The following BMPR1A variants were observed in gnomAD, a reference collection of about 807,000 sequenced individuals.
The protein encoded by BMPR1A is bone morphogenetic protein receptor type 1A, also known as bone morphogenetic protein receptor type-1A.
In BMPR1A, 7 loss-of-function variants were observed where a neutral mutation model predicts 66.0. That is an observed-to-expected ratio of 0.11 (90% CI 0.06 to 0.20). The LOEUF is 0.20. Ranked by LOEUF, BMPR1A falls within the 10% of genes least tolerant of loss-of-function variation. The probability of loss-of-function intolerance (pLI) is 1.00; values close to 1 mark genes in which losing one functional copy is unlikely to be tolerated. For missense variants in BMPR1A, 408 were observed against 669.1 expected (o/e 0.61, Z 4.31); for synonymous variants, 200 against 229.7 (o/e 0.87, Z 1.17).
chr10:86,841,537 T>C (rs1842423766), intron 2 of BMPR1A, among the ~76,000 whole-genome samples: 1 of 152,186 alleles, frequency 6.6e-6, no homozygotes, highest in African/African-American at 2.4e-5. Context: ...TCTTGATGGA[T>C]GAATAGAAGA....
rs147038935 is a variant in BMPR1A, at chr10:86,900,480, T to C, written c.530+354T>C. Among the ~76,000 whole-genome samples the C allele has an allele frequency of 2.0e-5, 3 of 152,122 alleles. No homozygotes were observed. In the East Asian group the frequency reaches 5.8e-4, roughly 29 times the overall value. ...AGAAATTTGGAGCTCCAGAATTGTT[T>C]GCATGTAGCCATGATTTCAGAAGAC... On this transcript the variant is annotated intron_variant, in intron 7 of 12. Coordinates refer to ENST00000372037, the MANE Select transcript of BMPR1A (RefSeq NM_004329.3).
chr10:86,781,212 G>GT (rs1462795788), intron 1 of BMPR1A, among the ~76,000 whole-genome samples: 1 of 152,086 alleles, frequency 6.6e-6, no homozygotes, highest in African/African-American at 2.4e-5. Flanking sequence ...TTTGTATAGG[G>GT]TGAGTGTTGG....
intron 1 of BMPR1A, among the ~76,000 whole-genome samples, chr10:86,791,426 C>A (rs1390886107): frequency 2.0e-5 from 3 of 152,000 alleles, no homozygotes; most frequent in African/African-American, 7.2e-5. Flanking sequence ...GTTGGCCAGG[C>A]TGGTCTCAAT....
At chr10:86,830,686 G>C (rs1842256799) in intron 1 of BMPR1A, among the ~76,000 whole-genome samples, 2 of 151,770 alleles carry the variant, frequency 1.3e-5, no homozygotes, top group Non-Finnish European at 2.9e-5. Flanking sequence ...TTTTTCAATT[G>C]TTGAGCTTTG....
At chr10:86,865,111 C>A (rs1238573228) in intron 2 of BMPR1A, among the ~76,000 whole-genome samples, 1 of 152,192 alleles carries the variant, frequency 6.6e-6, no homozygotes, top group Non-Finnish European at 1.5e-5. Flanking sequence ...CATATACGCC[C>A]AGATGGCCTG....
chr10:86,859,399 G>C (rs1842684493), intron 2 of BMPR1A, among the ~76,000 whole-genome samples: 1 of 151,900 alleles, frequency 6.6e-6, no homozygotes, highest in Admixed American at 6.6e-5. Flanking sequence ...AAACTCCTGG[G>C]CTCAAGTGAT....
At position 86,923,843 on chromosome 10, in the gene BMPR1A, A is replaced by C; in HGVS notation, c.*124A>C. The C allele has an allele frequency of 1.6e-6, 2 of 1,288,002 alleles. No individual in the cohort carries two copies. The highest frequency in any genetic ancestry group is 2.2e-6 in the Non-Finnish European group (2 of 896,752). 79.8% of individuals were successfully genotyped at this position (1,288,002 alleles called of 1,614,324 possible). ...CAGACTCTTTCTTCACTACGTGTTC[A>C]CAGGCTGCTAATATTAAACCTTTCA... is the stretch of plus-strand genomic sequence containing the variant. On this transcript the variant is annotated 3_prime_UTR_variant, in exon 13 of 13. Coordinates refer to ENST00000372037, the MANE Select transcript of BMPR1A (RefSeq NM_004329.3).
chr10:86,884,157 C>CA (rs1473966044), intron 3 of BMPR1A, among the ~76,000 whole-genome samples: 1 of 151,880 alleles, frequency 6.6e-6, no homozygotes, highest in African/African-American at 2.4e-5. Flanking sequence ...CCTGAACCAC[C>CA]ATTCCCTGCC....
At chr10:86,797,896 A>T (rs1417685270) in intron 1 of BMPR1A, among the ~76,000 whole-genome samples, 1 of 152,070 alleles carries the variant, frequency 6.6e-6, no homozygotes, top group East Asian at 1.9e-4. Flanking sequence ...TGTCATTTAA[A>T]TTATTAAGTG....
At chr10:86,760,873 A>G (rs537223755) in intron 1 of BMPR1A, among the ~76,000 whole-genome samples, 1 of 152,350 alleles carries the variant, frequency 6.6e-6, no homozygotes, top group South Asian at 2.1e-4. Context: ...TTAACACAAG[A>G]TTAAATGTTG....
At chr10:86,849,928 A>G (rs1216550028) in intron 2 of BMPR1A, among the ~76,000 whole-genome samples, 2 of 152,220 alleles carry the variant, frequency 1.3e-5, no homozygotes, top group African/African-American at 2.4e-5. Context: ...TATGAACAAT[A>G]AATATATTTT....
chr10:86,779,918 T>A (rs978710109), intron 1 of BMPR1A, among the ~76,000 whole-genome samples: 3 of 152,140 alleles, frequency 2.0e-5, no homozygotes, highest in African/African-American at 7.2e-5. Context: ...TGTTTTTGTT[T>A]TGTGAAAGAG....
At chr10:86,866,788 A>G (rs1009940958) in intron 2 of BMPR1A, among the ~76,000 whole-genome samples, 51 of 151,844 alleles carry the variant, frequency 3.4e-4, no homozygotes, top group African/African-American at 1.2e-3. Context: ...TGCTCATGGT[A>G]TACCCGACAA....
intron 1 of BMPR1A, among the ~76,000 whole-genome samples, chr10:86,798,904 G>C (rs1194707438): frequency 2.0e-5 from 3 of 152,216 alleles, no homozygotes; most frequent in Non-Finnish European, 4.4e-5. Context: ...CCTTGTGTCA[G>C]TAGTCAGTGG....
At chr10:86,816,147 AC>A (rs1842033355) in intron 1 of BMPR1A, among the ~76,000 whole-genome samples, 1 of 152,228 alleles carries the variant, frequency 6.6e-6, no homozygotes, top group African/African-American at 2.4e-5. Flanking sequence ...CATGGCAGCC[AC>A]TAGGCTACAT....
intron 2 of BMPR1A, among the ~76,000 whole-genome samples, chr10:86,849,430 C>T (rs1353108835): frequency 2.6e-5 from 4 of 152,160 alleles, no homozygotes; most frequent in Non-Finnish European, 5.9e-5. Context: ...CTTATCTGAT[C>T]CCATTGCCTA....
At chr10:86,919,606 G>A in intron 10 of BMPR1A, 137 bp downstream of exon 10, 1 of 1,172,188 alleles carries the variant, frequency 8.5e-7, no homozygotes, top group Non-Finnish European at 1.2e-6. Context: ...AGTTGGGGGG[G>A]ATTTTGTTCT....
intron 1 of BMPR1A, among the ~76,000 whole-genome samples, chr10:86,770,021 G>T (rs1841227528): frequency 6.6e-6 from 1 of 151,964 alleles, no homozygotes; most frequent in African/African-American, 2.4e-5. Flanking sequence ...GCTGGGCAAG[G>T]TGATGCAGAC....
rs754513035 is a variant in BMPR1A, at chr10:86,848,628, T to TTCTTG, written c.-153+9653_-153+9654insGTCTT. Among the ~76,000 whole-genome samples, 18 of 152,354 alleles carry TTCTTG rather than the reference T, an allele frequency of 1.2e-4. No individual in the cohort carries two copies. In the East Asian group the frequency reaches 1.4e-3, roughly 11 times the overall value. ...CTTTTCTTCCTGCCTTTGGTACCCA[T>TTCTTG]TCTTCCATCTCGGTTACACATAATA... On this transcript the variant is annotated intron_variant, in intron 2 of 12. Transcript: ENST00000372037.
Sources: allele counts gnomAD v4.1 joint callset (sites outside exome capture counted in the v4.1 genomes callset), GRCh38; gene constraint gnomAD v4.1.1; transcripts MANE v1.5; gene names NCBI Gene and HGNC (gene_info 2026-07-23, HGNC 2026-07-21).